MLLT3: variants seen among roughly 807,000 people sequenced by gnomAD.
MLLT3 encodes the protein protein AF-9.
A neutral mutation model predicts 53.2 loss-of-function variants in MLLT3; 4 were observed. The ratio of observed to expected loss-of-function variants is 0.08; its 90% confidence interval spans 0.04 to 0.17. The LOEUF (loss-of-function observed/expected upper bound fraction) is 0.17, where lower values mean the gene tolerates loss of function less well. MLLT3 is among the 10% of genes least tolerant of loss of function. The probability of loss-of-function intolerance (pLI) is 1.00; values close to 1 mark genes in which losing one functional copy is unlikely to be tolerated. For synonymous variants in MLLT3, 283 were observed against 230.6 expected (o/e 1.23, Z -2.06); for missense variants, 569 against 684.0 (o/e 0.83, Z 1.87).
intron 8 of MLLT3, among the ~76,000 whole-genome samples, chr9:20,360,062 T>C (rs549988983): frequency 6.6e-6 from 1 of 152,340 alleles, no homozygotes; most frequent in South Asian, 2.1e-4. Flanking sequence ...GACTATCAAA[T>C]TAATAAGCTT....
intron 2 of MLLT3, among the ~76,000 whole-genome samples, chr9:20,525,126 T>TAAAAAAAAAAAA (rs757232208): frequency 1.8e-5 from 1 of 56,128 alleles, no homozygotes; most frequent in Non-Finnish European, 4.3e-5. Context: ...GAAGAAAGAC[T>TAAAAAAAAAAAA]AAAAAAAAAA....
intron 2 of MLLT3, among the ~76,000 whole-genome samples, chr9:20,604,196 A>C (rs1275627651): frequency 6.6e-6 from 1 of 152,050 alleles, no homozygotes; most frequent in Non-Finnish European, 1.5e-5. Flanking sequence ...CATTGTTGAA[A>C]TTTTGTTGGG....
At chr9:20,354,047 T>C (rs959949424) in intron 9 of MLLT3, among the ~76,000 whole-genome samples, 2 of 152,204 alleles carry the variant, frequency 1.3e-5, no homozygotes, top group Admixed American at 1.3e-4. Flanking sequence ...ACCAATTAAG[T>C]CAGGGGAATT....
At chr9:20,456,148 AG>A (rs1274200523) in intron 3 of MLLT3, among the ~76,000 whole-genome samples, 1 of 152,066 alleles carries the variant, frequency 6.6e-6, no homozygotes, top group Non-Finnish European at 1.5e-5. Context: ...CATGTTGGCC[AG>A]GCTGGTCTCG....
intron 3 of MLLT3, among the ~76,000 whole-genome samples, chr9:20,455,882 G>A (rs1410790704): frequency 2.0e-5 from 3 of 149,262 alleles, no homozygotes; most frequent in African/African-American, 7.4e-5. Flanking sequence ...AATTTGTCTG[G>A]TATTATACAG....
At chr9:20,471,228 T>C (rs1824385887) in intron 2 of MLLT3, among the ~76,000 whole-genome samples, 1 of 152,070 alleles carries the variant, frequency 6.6e-6, no homozygotes, top group South Asian at 2.1e-4. Flanking sequence ...TTTTTTTCTT[T>C]TTGCTTATTT....
chr9:20,491,806 T>C (rs900584296), intron 2 of MLLT3, among the ~76,000 whole-genome samples: 2 of 152,148 alleles, frequency 1.3e-5, no homozygotes, highest in African/African-American at 4.8e-5. Flanking sequence ...GATGTTTTCT[T>C]GTGTGACTTT....
chr9:20,492,178 A>T (rs1824963589), intron 2 of MLLT3, among the ~76,000 whole-genome samples: 1 of 152,098 alleles, frequency 6.6e-6, no homozygotes. Flanking sequence ...TTAATTATGC[A>T]TATGGATTGA....
intron 2 of MLLT3, among the ~76,000 whole-genome samples, chr9:20,562,452 A>G (rs1819241181): frequency 6.6e-6 from 1 of 152,160 alleles, no homozygotes; most frequent in African/African-American, 2.4e-5. Flanking sequence ...TTGATCTATG[A>G]CACTAACAGA....
At chr9:20,539,396 T>C (rs1260740236) in intron 2 of MLLT3, among the ~76,000 whole-genome samples, 1 of 152,206 alleles carries the variant, frequency 6.6e-6, no homozygotes, top group East Asian at 1.9e-4. Context: ...TGAGAATGGG[T>C]AATTTATAAA....
chr9:20,589,735 G>A (rs1213465593), intron 2 of MLLT3, among the ~76,000 whole-genome samples: 1 of 148,140 alleles, frequency 6.8e-6, no homozygotes, highest in African/African-American at 2.5e-5. Context: ...TTTTGAGGTG[G>A]AGTCTCGCTC....
intron 2 of MLLT3, among the ~76,000 whole-genome samples, chr9:20,562,313 T>C (rs1453312869): frequency 6.6e-6 from 1 of 152,034 alleles, no homozygotes; most frequent in African/African-American, 2.4e-5. Context: ...CTGCTATCGC[T>C]GTTTCCACTC....
chr9:20,451,605 A>G (rs1326809408), intron 3 of MLLT3, among the ~76,000 whole-genome samples: 1 of 152,318 alleles, frequency 6.6e-6, no homozygotes, highest in African/African-American at 2.4e-5. Context: ...TAGAAGGCAG[A>G]CATCGACATT....
intron 2 of MLLT3, among the ~76,000 whole-genome samples, chr9:20,565,040 A>G (rs1182421209): frequency 6.6e-6 from 1 of 152,198 alleles, no homozygotes; most frequent in Non-Finnish European, 1.5e-5. Context: ...CAAATATGAT[A>G]TCACTATAGT....
At chr9:20,473,920 C>G (rs1824457399) in intron 2 of MLLT3, among the ~76,000 whole-genome samples, 1 of 151,990 alleles carries the variant, frequency 6.6e-6, no homozygotes, top group Non-Finnish European at 1.5e-5. Context: ...TTTATTCTAC[C>G]ACACTCTTGC....
At chr9:20,423,408 G>T (rs1340409274) in intron 4 of MLLT3, among the ~76,000 whole-genome samples, 1 of 152,234 alleles carries the variant, frequency 6.6e-6, no homozygotes. Flanking sequence ...TTCCAGTAGA[G>T]GGGGTAAAAT....
At chr9:20,492,024 T>C (rs937033455) in intron 2 of MLLT3, among the ~76,000 whole-genome samples, 2 of 152,106 alleles carry the variant, frequency 1.3e-5, no homozygotes, top group African/African-American at 4.8e-5. Flanking sequence ...ATGTCACTCT[T>C]AGGTTCAGTA....
At chr9:20,354,024 A>G (rs2118608832) in intron 9 of MLLT3, among the ~76,000 whole-genome samples, 1 of 152,332 alleles carries the variant, frequency 6.6e-6, no homozygotes, top group East Asian at 1.9e-4. Flanking sequence ...ACATGGAAAC[A>G]AGAATGTACA....
chr9:20,450,006 T>C (rs111893968), intron 3 of MLLT3, among the ~76,000 whole-genome samples: 1 of 152,232 alleles, frequency 6.6e-6, no homozygotes, highest in African/African-American at 2.4e-5. Context: ...GCCATATACA[T>C]GTGTCCACAG....
Sources: gnomAD v4.1 joint callset for allele counts (sites outside exome capture counted in the v4.1 genomes callset) on GRCh38, gnomAD v4.1.1 for gene constraint, MANE v1.5 for transcripts, NCBI Gene and HGNC (gene_info 2026-07-23, HGNC 2026-07-21) for gene names.